TMEM97: variants seen among roughly 807,000 people sequenced by gnomAD.
TMEM97 encodes the protein transmembrane protein 97, also known as sigma intracellular receptor 2.
In TMEM97, 13 loss-of-function variants were observed where a neutral mutation model predicts 18.3. The observed-to-expected ratio is 0.71, with a 90% CI of 0.46 to 1.13. TMEM97 has a LOEUF of 1.13. Ranked by LOEUF, TMEM97 falls within the 50% of genes most tolerant of loss-of-function variation. The pLI, the probability that TMEM97 is intolerant of heterozygous loss-of-function variation, is 0.00. For missense variants in TMEM97, 205 were observed against 210.5 expected (o/e 0.97, Z 0.16); for synonymous variants, 76 against 85.3 (o/e 0.89, Z 0.60).
At position 28,325,601 on chromosome 17, in the gene TMEM97, G is replaced by A. The variant is rs1906302821; in HGVS notation, c.225G>A (p.Val75=). ...WFKSFLFCEL[V]FQLPFFPIAT... The stretch of plus-strand genomic sequence containing the variant: ...AGTCCTTTCTGTTTTGCGAGCTTGT[G>A]TTTCAGCTGCCTTTCTTTCCCATTG... Residue 75 remains valine (V), a synonymous_variant, in exon 2 of 3, where the codon GTG becomes GTA. Transcript: ENST00000226230. 1 of 1,614,132 alleles carries A rather than the reference G, an allele frequency of 6.2e-7. No individual in the cohort carries two copies. The highest frequency in any genetic ancestry group is 1.7e-5 in the Admixed American group (1 of 60,008).
chr17:28,320,542 C>T (rs1906103675), intron 1 of TMEM97, among the ~76,000 whole-genome samples: 1 of 152,202 alleles, frequency 6.6e-6, no homozygotes, highest in African/African-American at 2.4e-5. Flanking sequence ...TTGGGCAGGT[C>T]AGGGCTCTAT....
chr17:28,326,754 C>A lies in TMEM97; in HGVS notation c.492C>A (p.Ser164Arg). 1 of 1,613,860 alleles carries A rather than the reference C, an allele frequency of 6.2e-7. No individual in the cohort carries two copies. Among genetic ancestry groups the A allele is most frequent in the Non-Finnish European group, 8.5e-7 (1 of 1,179,998 alleles). Residue 164 changes from serine (S) to arginine (R), a missense_variant, in exon 3 of 3, where the codon AGC (serine) becomes AGA (arginine). Ser to Arg is a moderately radical substitution (Grantham distance 110). Transcript: ENST00000226230. ...TACTTTTAATTTTCATGTTGCGGAG[C>A]CCCTACTACAAGTATGAAGAGAAAA... is the stretch of plus-strand genomic sequence containing the variant. ...PFILLIFMLR[S>R]PYYKYEEKRK...
At chr17:28,325,824 C>G (rs1344518037) in intron 2 of TMEM97, 177 bp downstream of exon 2, 1 of 862,492 alleles carries the variant, frequency 1.2e-6, no homozygotes, top group African/African-American at 1.7e-5. Context: ...GGCTCAGGCT[C>G]ATGTCTGTGG....
Position 28,326,688 on chromosome 17 carries a change from C to T in TMEM97, c.426C>T (p.Thr142=). The T allele has an allele frequency of 6.2e-7, 1 of 1,614,122 alleles. No homozygotes were observed. The highest frequency in any genetic ancestry group is 8.5e-7 in the Non-Finnish European group (1 of 1,180,026). The part of the protein sequence containing the change: ...QRPETLHERL[T]LVSVYAPYLL... ...CTGAGACTTTGCATGAACGGTTAAC[C>T]CTTGTGTCTGTCTATGCCCCCTACT... Residue 142 remains threonine, a synonymous_variant, in exon 3 of 3, where the codon ACC becomes ACT. Coordinates refer to ENST00000226230, the MANE Select transcript of TMEM97 (RefSeq NM_014573.3).
Position 28,327,970 on chromosome 17 carries a change from G to C in TMEM97, c.*1177G>C, listed in dbSNP as rs1906436155. 1 of 152,524 alleles carries C rather than the reference G, an allele frequency of 6.6e-6. No homozygotes were observed. The allele number at this position is 152,524 out of a possible 1,614,324, so 9.4% of individuals were successfully genotyped here. A position where few individuals can be genotyped will look rare whatever the true frequency, so the allele number is the denominator to read the frequency against. On this transcript the variant is annotated 3_prime_UTR_variant, in exon 3 of 3. Coordinates refer to ENST00000226230, the MANE Select transcript of TMEM97 (RefSeq NM_014573.3). ...AATACAGTTCCGTCATTCCCATCTTGTTTTCAGAAGAGAAGGTGGCTACAG... is the reference window on the plus strand; with the variant it reads ...AATACAGTTCCGTCATTCCCATCTTCTTTTCAGAAGAGAAGGTGGCTACAG...
chr17:28,321,925 C>T (rs1034360689), intron 1 of TMEM97, among the ~76,000 whole-genome samples: 12 of 151,500 alleles, frequency 7.9e-5, no homozygotes, highest in African/African-American at 2.2e-4. Flanking sequence ...GGCATTAGCT[C>T]GGTGGCATCC....
chr17:28,319,882 A>G (rs1175137937), intron 1 of TMEM97, among the ~76,000 whole-genome samples: 2 of 152,216 alleles, frequency 1.3e-5, no homozygotes, highest in Non-Finnish European at 2.9e-5. Context: ...AGCAACTTCC[A>G]GAGCTCAGGA....
At chr17:28,319,615 T>C in intron 1 of TMEM97, 2 of 398,130 alleles carry the variant, frequency 5.0e-6, no homozygotes, top group Non-Finnish European at 8.8e-6. Flanking sequence ...TCCCTGGGTT[T>C]AAGGTTTCCC....
intron 2 of TMEM97, 25 bp from the exon 3 acceptor site, chr17:28,326,509 T>C: frequency 6.2e-7 from 1 of 1,607,140 alleles, no homozygotes; most frequent in African/African-American, 1.3e-5. Context: ...ACCTAACCAT[T>C]TTTCTTTTCC....
intron 1 of TMEM97, chr17:28,319,607 C>G (rs1443711673): frequency 2.1e-5 from 9 of 424,470 alleles, no homozygotes; most frequent in Non-Finnish European, 3.7e-5. Context: ...TCACTTCTTC[C>G]CTGGGTTTAA....
At chr17:28,321,965 G>A (rs868933983) in intron 1 of TMEM97, among the ~76,000 whole-genome samples, 1 of 152,110 alleles carries the variant, frequency 6.6e-6, no homozygotes, top group African/African-American at 2.4e-5. Flanking sequence ...CTCCATTCTT[G>A]TTGCTTTGGT....
chr17:28,326,433 G>T, intron 2 of TMEM97, 101 bp from the exon 3 acceptor site: 1 of 1,397,016 alleles, frequency 7.2e-7, no homozygotes, highest in Non-Finnish European at 9.7e-7. Context: ...CTTGGAGAAG[G>T]GAGTAGAAGA....
intron 1 of TMEM97, chr17:28,324,644 A>G (rs1432306137): frequency 6.6e-6 from 1 of 152,248 alleles, no homozygotes. Context: ...TAAAAGCCCA[A>G]GATGGGAAGC....
chr17:28,321,581 A>C (rs1906141991), intron 1 of TMEM97, among the ~76,000 whole-genome samples: 1 of 152,086 alleles, frequency 6.6e-6, no homozygotes, highest in African/African-American at 2.4e-5. Flanking sequence ...CTATAGGTGC[A>C]CACCACCACA....
Position 28,319,218 on chromosome 17 carries a change from G to T in TMEM97, c.-22G>T. The T allele has an allele frequency of 6.3e-7, 1 of 1,592,518 alleles. No homozygotes were observed. Among genetic ancestry groups the T allele is most frequent in the African/African-American group, 1.4e-5 (1 of 74,036 alleles). ...TTGGCCCCTCTTCTCACATCAGCGG[G>T]TCCAGGCCCAACCGACAGACTATGG... On this transcript the variant is annotated 5_prime_UTR_variant, in exon 1 of 3. Transcript: ENST00000226230.
chr17:28,323,149 A>G (rs1377696800), intron 1 of TMEM97, among the ~76,000 whole-genome samples: 1 of 152,310 alleles, frequency 6.6e-6, no homozygotes, highest in East Asian at 1.9e-4. Context: ...CCCATCTGCC[A>G]GGTGCCTGGG....
chr17:28,321,347 G>A (rs782292138), intron 1 of TMEM97, among the ~76,000 whole-genome samples: 5 of 152,174 alleles, frequency 3.3e-5, no homozygotes, highest in Non-Finnish European at 7.3e-5. Context: ...ATTCTCACAA[G>A]CCCGTCTTGC....
At chr17:28,325,256 A>G (rs1906286334) in intron 1 of TMEM97, among the ~76,000 whole-genome samples, 1 of 152,218 alleles carries the variant, frequency 6.6e-6, no homozygotes, top group African/African-American at 2.4e-5. Context: ...TCTGGGTAAC[A>G]CAAAGAAGGG....
chr17:28,325,434 C>G (rs1279161354), intron 1 of TMEM97, 69 bp from the exon 2 acceptor site: 1 of 1,567,166 alleles, frequency 6.4e-7, no homozygotes, highest in African/African-American at 1.4e-5. Flanking sequence ...AGTGTATTTT[C>G]AAATGAGCTA....
Sources: gnomAD v4.1 joint callset for allele counts (sites outside exome capture counted in the v4.1 genomes callset) on GRCh38, gnomAD v4.1.1 for gene constraint, MANE v1.5 for transcripts, NCBI Gene and HGNC (gene_info 2026-07-23, HGNC 2026-07-21) for gene names.